Variants in XPNPEP1 observed in about 807,000 individuals in gnomAD.
The protein encoded by XPNPEP1 is xaa-Pro aminopeptidase 1.
XPNPEP1 carries 39 observed loss-of-function variants against 92.4 expected under a neutral mutation model. The observed-to-expected ratio is 0.42, with a 90% CI of 0.33 to 0.55. The LOEUF (loss-of-function observed/expected upper bound fraction) is 0.55. Among genes scored for constraint, XPNPEP1 ranks in the 20% least tolerant of loss-of-function variants. XPNPEP1 has a pLI of 0.08. For missense variants in XPNPEP1, 654 were observed against 856.1 expected (o/e 0.76, Z 2.95); for synonymous variants, 307 against 299.4 (o/e 1.03, Z -0.26).
chr10:109,865,088 G>A lies in XPNPEP1; in HGVS notation c.*96C>T, dbSNP rs1847058448. 2.6e-6 allele frequency: 4 copies of A among 1,551,188 alleles called. No individual in the cohort carries two copies. Among genetic ancestry groups the A allele is most frequent in the Admixed American group, 3.5e-5 (2 of 57,206 alleles). On this transcript the variant is annotated 3_prime_UTR_variant, in exon 21 of 21. Coordinates refer to ENST00000502935, the MANE Select transcript of XPNPEP1 (RefSeq NM_020383.4). ...AGTCTAAAGTAAAAAGGGGAGGTAG[G>A]GAAGAAGGAAAGGAAAGGGGAAAGA...
intron 2 of XPNPEP1, among the ~76,000 whole-genome samples, chr10:109,912,692 A>G (rs529704842): frequency 1.3e-5 from 2 of 152,380 alleles, no homozygotes; most frequent in African/African-American, 4.8e-5. Flanking sequence ...TACCTGGCAC[A>G]TAACAAATGT....
At chr10:109,883,066 C>T (rs1848194556) in intron 9 of XPNPEP1, among the ~76,000 whole-genome samples, 2 of 152,192 alleles carry the variant, frequency 1.3e-5, no homozygotes, top group Non-Finnish European at 2.9e-5. Context: ...ACAACTTGTA[C>T]ATCTAACATG....
chr10:109,886,238 G>A lies in XPNPEP1; in HGVS notation c.748+8C>T. On this transcript the variant is annotated splice_region_variant and intron_variant, in intron 8 of 20. Coordinates refer to ENST00000502935, the MANE Select transcript of XPNPEP1 (RefSeq NM_020383.4). ...AACATGCCCAAACAGCGAAACCAGA[G>A]CACTCACACGCAATCTCATCCAAGG... is the stretch of plus-strand genomic sequence containing the variant. 1 of 1,613,954 alleles carries A rather than the reference G, an allele frequency of 6.2e-7. No individual in the cohort carries two copies. Among genetic ancestry groups the A allele is most frequent in the South Asian group, 1.1e-5 (1 of 91,014 alleles).
At chr10:109,872,516 C>T (rs1847544273) in intron 16 of XPNPEP1, among the ~76,000 whole-genome samples, 1 of 152,190 alleles carries the variant, frequency 6.6e-6, no homozygotes, top group African/African-American at 2.4e-5. Flanking sequence ...TTGAAAAGCA[C>T]AAAAAGAGTC....
chr10:109,864,835 T>C lies in XPNPEP1; in HGVS notation c.*349A>G, dbSNP rs1022116130. 1.7e-5 allele frequency: 5 copies of C among 298,778 alleles called. No homozygotes were observed. The highest frequency in any genetic ancestry group is 1.1e-4 in the African/African-American group (5 of 46,750). 18.5% of individuals were successfully genotyped at this position (298,778 alleles called of 1,614,324 possible). On this transcript the variant is annotated 3_prime_UTR_variant, in exon 21 of 21. Transcript: ENST00000502935. ...TGAGCATTAAGGTGATCATGAATGA[T>C]GTACTAGCACCTGGAACATGACCAT...
chr10:109,890,453 G>A (rs1848633733), intron 5 of XPNPEP1, among the ~76,000 whole-genome samples: 1 of 152,056 alleles, frequency 6.6e-6, no homozygotes, highest in Non-Finnish European at 1.5e-5. Context: ...CATACATGTT[G>A]CGGGTGCTTG....
Position 109,870,716 on chromosome 10 carries a change from G to A in XPNPEP1, c.1696+15C>T, listed in dbSNP as rs1464976553. On this transcript the variant is annotated intron_variant, in intron 18 of 20. Transcript: ENST00000502935. ...TCAAGGATCCACGCATGCCCTCTAT[G>A]TGAGGGACACTTACCATCAGTGACA... The A allele has an allele frequency of 2.5e-6, 4 of 1,613,072 alleles. No homozygotes were observed. Among genetic ancestry groups the A allele is most frequent in the Non-Finnish European group, 3.4e-6 (4 of 1,179,276 alleles).
At chr10:109,873,266 C>G in intron 16 of XPNPEP1, 101 bp downstream of exon 16, 1 of 1,381,394 alleles carries the variant, frequency 7.2e-7, no homozygotes, top group Non-Finnish European at 1.0e-6. Context: ...TTTACTACCC[C>G]ACATGTAATT....
chr10:109,873,223 G>T, intron 16 of XPNPEP1, 144 bp downstream of exon 16: 1 of 882,676 alleles, frequency 1.1e-6, no homozygotes, highest in Non-Finnish European at 1.8e-6. Flanking sequence ...ACCTCGTAAA[G>T]CAGATAAGCC....
Position 109,882,540 on chromosome 10 carries a change from G to A in XPNPEP1, c.933C>T (p.Tyr311=), listed in dbSNP as rs1848159710. The stretch of plus-strand genomic sequence containing the variant: ...CCTTGAGCTCGCTCAGGATGGACTT[G>A]TAGGGATGCACCTGGATCCTGTATT... ...EAEYRIQVHP[Y]KSILSELKAL... is the part of the protein sequence containing the mutation. Residue 311 remains tyrosine, a synonymous_variant, in exon 10 of 21, where the codon TAC becomes TAT. Transcript: ENST00000502935. 6.2e-7 allele frequency: 1 copy of A among 1,614,224 alleles called. No homozygotes were observed. Among genetic ancestry groups the A allele is most frequent in the East Asian group, 2.2e-5 (1 of 44,888 alleles).
intron 16 of XPNPEP1, 27 bp from the exon 17 acceptor site, chr10:109,871,888 G>A (rs1299763605): frequency 1.2e-6 from 2 of 1,609,428 alleles, no homozygotes; most frequent in African/African-American, 1.3e-5. Context: ...GGGGCATGTT[G>A]CAGAATGGGG....
chr10:109,880,827 A>T lies in XPNPEP1; in HGVS notation c.1131+15T>A, dbSNP rs372627527. ...CACCTCACATCCCATCTTCTGCACC[A>T]GCTCCTCTACTCACGTGAGCCCGCC... is the stretch of plus-strand genomic sequence containing the variant. On this transcript the variant is annotated intron_variant, in intron 11 of 20. Coordinates refer to ENST00000502935, the MANE Select transcript of XPNPEP1 (RefSeq NM_020383.4). The T allele has an allele frequency of 2.5e-6, 4 of 1,612,938 alleles. No individual in the cohort carries two copies. Among genetic ancestry groups the T allele is most frequent in the Non-Finnish European group, 3.4e-6 (4 of 1,179,554 alleles).
intron 7 of XPNPEP1, 59 bp downstream of exon 7, chr10:109,887,990 T>C (rs1231410242): frequency 6.3e-6 from 10 of 1,595,994 alleles, no homozygotes; most frequent in African/African-American, 5.4e-5. Flanking sequence ...CTGGAGACAA[T>C]AGCAAGAGGT....
At position 109,888,146 on chromosome 10, in the gene XPNPEP1, G is replaced by A. The variant is rs753521602; in HGVS notation, c.555C>T (p.His185=). 5 of 1,613,746 alleles carry A rather than the reference G, an allele frequency of 3.1e-6. No individual in the cohort carries two copies. The African/African-American group carries it at 6.7e-5, about 22-fold the overall frequency. ...CGAGGTTCTCCTTGACAGGAATGAG[G>A]TGATGGCCGGCACTTCTCAGAACTT... ...MAKVLRSAGH[H]LIPVKENLVD... Residue 185 remains histidine, a synonymous_variant, in exon 7 of 21, where the codon CAC becomes CAT. Coordinates refer to ENST00000502935, the MANE Select transcript of XPNPEP1 (RefSeq NM_020383.4).
At chr10:109,885,466 G>C (rs546795349) in intron 8 of XPNPEP1, among the ~76,000 whole-genome samples, 1 of 152,228 alleles carries the variant, frequency 6.6e-6, no homozygotes, top group East Asian at 1.9e-4. Context: ...CAGGGAGAGA[G>C]AAAAGTTTTA....
chr10:109,890,586 G>GTA (rs1669506078), intron 5 of XPNPEP1, among the ~76,000 whole-genome samples: 1 of 91,394 alleles, frequency 1.1e-5, no homozygotes, highest in South Asian at 6.2e-4. Flanking sequence ...GTGTGTGTGT[G>GTA]TGTGTGTGAG....
chr10:109,880,951 G>A lies in XPNPEP1; in HGVS notation c.1042-20C>T, dbSNP rs771881969. On this transcript the variant is annotated intron_variant, in intron 10 of 20. Transcript: ENST00000502935. Reference sequence around the variant, plus strand: ...GTGGTCCTAGAGGCAAAGGGCAGTAGGGTGGGAAATCAAACCGGCTCCACC... The same window carrying A: ...GTGGTCCTAGAGGCAAAGGGCAGTAAGGTGGGAAATCAAACCGGCTCCACC... The A allele has an allele frequency of 2.5e-6, 4 of 1,609,766 alleles. No homozygotes were observed. The highest frequency in any genetic ancestry group is 1.7e-4 in the Middle Eastern group (1 of 6,046).
At chr10:109,865,437 CT>C in intron 20 of XPNPEP1, 125 bp from the exon 21 acceptor site, 1 of 1,235,530 alleles carries the variant, frequency 8.1e-7, no homozygotes. Flanking sequence ...GTGCAACACC[CT>C]TTCTCCTTAC....
chr10:109,923,391 A>G lies in XPNPEP1; in HGVS notation c.32+11T>C. The G allele has an allele frequency of 1.4e-6, 2 of 1,433,200 alleles. No homozygotes were observed. Among genetic ancestry groups the G allele is most frequent in the Non-Finnish European group, 1.8e-6 (2 of 1,092,816 alleles). 88.8% of individuals were successfully genotyped at this position (1,433,200 alleles called of 1,614,324 possible). A position where few individuals can be genotyped will look rare whatever the true frequency, so the allele number is the denominator to read the frequency against. The stretch of plus-strand genomic sequence containing the variant: ...CTGCCCGGACGCCGGCTGCCGGCGG[A>G]GTGCCCTCACCTTACTCGCGGTGGC... On this transcript the variant is annotated intron_variant, in intron 1 of 20. Coordinates refer to ENST00000502935, the MANE Select transcript of XPNPEP1 (RefSeq NM_020383.4).
Sources: allele counts gnomAD v4.1 joint callset (sites outside exome capture counted in the v4.1 genomes callset), GRCh38; gene constraint gnomAD v4.1.1; transcripts MANE v1.5; gene names NCBI Gene and HGNC (gene_info 2026-07-23, HGNC 2026-07-21).